NTRK3: variants seen among roughly 807,000 people sequenced by gnomAD.
NTRK3 encodes the protein NT-3 growth factor receptor.
NTRK3 carries 24 observed loss-of-function variants against 91.7 expected under a neutral mutation model. That is an observed-to-expected ratio of 0.26 (90% CI 0.19 to 0.37). NTRK3 has a LOEUF of 0.37. NTRK3 is among the 10% of genes least tolerant of loss of function. The pLI, the probability that NTRK3 is intolerant of heterozygous loss-of-function variation, is 1.00. For synonymous variants in NTRK3, 483 were observed against 404.0 expected (o/e 1.20, Z -2.34); for missense variants, 880 against 1,068.9 (o/e 0.82, Z 2.46).
intron 3 of NTRK3, among the ~76,000 whole-genome samples, chr15:88,226,540 A>C (rs1005522721): frequency 4.6e-5 from 7 of 152,336 alleles, no homozygotes; most frequent in Middle Eastern, 3.4e-3. Flanking sequence ...GACACAAATT[A>C]TTCCAGAGGC....
rs188923769 is a variant in NTRK3, at chr15:88,046,673, A to C, written c.1397-13628T>G. On this transcript the variant is annotated intron_variant, in intron 13 of 18. Coordinates refer to ENST00000394480, the Ensembl canonical transcript of NTRK3. ...CCTCTCCGTTTTCTCAGGGGGGGTCACCTTCATGGCACCTTGAACCTTGGC... is the reference window on the plus strand; with the variant it reads ...CCTCTCCGTTTTCTCAGGGGGGGTCCCCTTCATGGCACCTTGAACCTTGGC... Among the ~76,000 whole-genome samples the C allele has an allele frequency of 2.0e-4, 30 of 152,222 alleles. 1 individual carries two copies. The East Asian group carries it at 5.6e-3, about 29-fold the overall frequency.
At chr15:88,152,623 C>G (rs1334200532) in intron 5 of NTRK3, among the ~76,000 whole-genome samples, 1 of 152,232 alleles carries the variant, frequency 6.6e-6, no homozygotes, top group Non-Finnish European at 1.5e-5. Flanking sequence ...TTAACCCACC[C>G]AGACTGTGGC....
intron 13 of NTRK3, among the ~76,000 whole-genome samples, chr15:88,038,800 G>A (rs908539653): frequency 4.0e-5 from 6 of 151,424 alleles, no homozygotes; most frequent in African/African-American, 1.2e-4. Context: ...CTGTGGTGAC[G>A]GAGCTGTGCC....
intron 18 of NTRK3, among the ~76,000 whole-genome samples, chr15:87,877,666 T>G (rs2141444597): frequency 6.6e-6 from 1 of 152,226 alleles, no homozygotes; most frequent in Admixed American, 6.5e-5. Context: ...CATAGGACCC[T>G]TTTGCAGCAA....
exon 19 of NTRK3, chr15:87,870,971 A>G (rs1387407553): frequency 4.3e-6 from 1 of 230,794 alleles, no homozygotes; most frequent in East Asian, 6.1e-5. Flanking sequence ...CTGCCTCCCT[A>G]TGATGAAAGA....
intron 3 of NTRK3, among the ~76,000 whole-genome samples, chr15:88,190,551 T>A (rs1435398094): frequency 1.3e-5 from 2 of 152,172 alleles, no homozygotes; most frequent in Non-Finnish European, 2.9e-5. Flanking sequence ...TTTTAACTAT[T>A]TTCTGGCTCT....
exon 19 of NTRK3, chr15:87,867,759 T>A (rs4404039): frequency 0.53 from 119,765 of 227,826 alleles, 34,897 homozygotes; most frequent in East Asian, 0.68. Flanking sequence ...ACAAGATAGG[T>A]TCAATAACCT....
chr15:88,142,300 G>A (rs1355178179), intron 6 of NTRK3, among the ~76,000 whole-genome samples: 2 of 152,220 alleles, frequency 1.3e-5, no homozygotes, highest in East Asian at 1.9e-4. Flanking sequence ...GCAGGCAGTC[G>A]CATTAATAAT....
intron 13 of NTRK3, among the ~76,000 whole-genome samples, chr15:88,108,261 C>T (rs2050927961): frequency 6.6e-6 from 1 of 152,210 alleles, no homozygotes; most frequent in Non-Finnish European, 1.5e-5. Flanking sequence ...TACACTCCTG[C>T]CATTTGGAGA....
chr15:87,912,264 T>A (rs2141749817), intron 17 of NTRK3, among the ~76,000 whole-genome samples: 1 of 152,318 alleles, frequency 6.6e-6, no homozygotes, highest in South Asian at 2.1e-4. Flanking sequence ...GAAAAATAGA[T>A]CATGGAACTC....
chr15:87,940,681 A>C, exon 15 of NTRK3: 1 of 1,614,102 alleles, frequency 6.2e-7, no homozygotes, highest in Non-Finnish European at 8.5e-7. Context: ...CTCGGCCAGG[A>C]AGACCTTTCC....
At chr15:87,956,462 C>T (rs1003400810) in intron 14 of NTRK3, among the ~76,000 whole-genome samples, 7 of 152,170 alleles carry the variant, frequency 4.6e-5, no homozygotes, top group African/African-American at 1.2e-4. Context: ...TTAGTAGAGA[C>T]GGGGTTTTGC....
intron 13 of NTRK3, among the ~76,000 whole-genome samples, chr15:88,118,896 A>G (rs539861095): frequency 6.6e-6 from 1 of 152,206 alleles, no homozygotes; most frequent in Non-Finnish European, 1.5e-5. Flanking sequence ...CCAACACTCA[A>G]TGAATCTGAG....
chr15:88,025,038 C>A (rs947213018), intron 14 of NTRK3, among the ~76,000 whole-genome samples: 52 of 152,164 alleles, frequency 3.4e-4, no homozygotes, highest in African/African-American at 9.9e-4. Context: ...TACAATCACA[C>A]GTGTGTGGCC....
At chr15:88,066,722 A>G (rs572969644) in intron 13 of NTRK3, among the ~76,000 whole-genome samples, 2 of 152,252 alleles carry the variant, frequency 1.3e-5, no homozygotes, top group South Asian at 2.1e-4. Context: ...GTTCAATCAC[A>G]GTAGAGCCAT....
rs191906693 is a variant in NTRK3 at position 88,194,240 on chromosome 15, T to C, written c.249-9941A>G. 1.6e-3 allele frequency among the ~76,000 whole-genome samples: 251 copies of C among 152,392 alleles called. 3 individuals carry two copies. The highest frequency in any genetic ancestry group is 0.016 in the Admixed American group (245 of 15,312). ...GTATTCTTTGCCTGATCCTTAAATG[T>C]TGGAGTCTCCCAGGGAGCCTGGGGC... is the stretch of plus-strand genomic sequence containing the variant. On this transcript the variant is annotated intron_variant, in intron 3 of 18. Coordinates refer to ENST00000394480, the Ensembl canonical transcript of NTRK3.
At chr15:87,996,075 C>T (rs957353202) in intron 14 of NTRK3, among the ~76,000 whole-genome samples, 1 of 152,020 alleles carries the variant, frequency 6.6e-6, no homozygotes, top group African/African-American at 2.4e-5. Context: ...GAAACCCCAT[C>T]TCTACTAAAA....
intron 13 of NTRK3, among the ~76,000 whole-genome samples, chr15:88,110,729 A>C (rs2051250698): frequency 6.6e-6 from 1 of 152,218 alleles, no homozygotes; most frequent in African/African-American, 2.4e-5. Context: ...CAAGGCTGGC[A>C]AGAGTGGAAA....
At chr15:88,225,456 G>T (rs2050592491) in intron 3 of NTRK3, among the ~76,000 whole-genome samples, 2 of 152,102 alleles carry the variant, frequency 1.3e-5, no homozygotes, top group Non-Finnish European at 2.9e-5. Flanking sequence ...TTCTGTAGGA[G>T]GGACCCCTGG....
Sources: gnomAD v4.1 joint callset for allele counts (sites outside exome capture counted in the v4.1 genomes callset) on GRCh38, gnomAD v4.1.1 for gene constraint, MANE v1.5 for transcripts, NCBI Gene and HGNC (gene_info 2026-07-23, HGNC 2026-07-21) for gene names.